Variants in BBS9 observed in about 807,000 individuals in gnomAD.
BBS9 encodes Bardet-Biedl syndrome 9.
In BBS9, 89 loss-of-function variants were observed where a neutral mutation model predicts 117.7. That is an observed-to-expected ratio of 0.76 (90% CI 0.64 to 0.90). BBS9 has a LOEUF of 0.90. Ranked by LOEUF, BBS9 falls within the 40% of genes least tolerant of loss-of-function variation. BBS9 has a pLI of 0.00. For synonymous variants in BBS9, 379 were observed against 370.9 expected (o/e 1.02, Z -0.25); for missense variants, 982 against 1,042.2 (o/e 0.94, Z 0.80).
At chr7:33,294,703 A>G (rs1330671082) in intron 9 of BBS9, among the ~76,000 whole-genome samples, 1 of 152,254 alleles carries the variant, frequency 6.6e-6, no homozygotes, top group Non-Finnish European at 1.5e-5. Context: ...AAAAAGTCTA[A>G]ACATGATACA....
At chr7:33,275,540 A>G (rs923265343) in intron 9 of BBS9, among the ~76,000 whole-genome samples, 9 of 150,854 alleles carry the variant, frequency 6.0e-5, no homozygotes, top group Non-Finnish European at 1.2e-4. Flanking sequence ...GTGACAGTTC[A>G]TTTGCAAAAA....
intron 21 of BBS9, among the ~76,000 whole-genome samples, chr7:33,562,641 G>A (rs1214427581): frequency 2.6e-5 from 4 of 152,150 alleles, no homozygotes; most frequent in Non-Finnish European, 5.9e-5. Flanking sequence ...AAAAGGGAAA[G>A]GAGGCTGGGC....
At chr7:33,322,279 A>G (rs1811876560) in intron 9 of BBS9, among the ~76,000 whole-genome samples, 1 of 151,078 alleles carries the variant, frequency 6.6e-6, no homozygotes, top group African/African-American at 2.4e-5. Flanking sequence ...TTTTTTTGTA[A>G]TAATTTAAGT....
At chr7:33,513,248 A>G (rs1847238772) in intron 20 of BBS9, among the ~76,000 whole-genome samples, 1 of 152,052 alleles carries the variant, frequency 6.6e-6, no homozygotes, top group Admixed American at 6.6e-5. Flanking sequence ...CCTTCCATCT[A>G]TTCTCTATTC....
chr7:33,333,970 C>A (rs1339225535), intron 9 of BBS9, among the ~76,000 whole-genome samples: 2 of 152,066 alleles, frequency 1.3e-5, no homozygotes, highest in Non-Finnish European at 2.9e-5. Flanking sequence ...CTATAATTAC[C>A]TTAGCTGTCA....
rs61764067 is a variant in BBS9 at position 33,340,944 on chromosome 7, G to T, written c.1246G>T (p.Val416Leu). Reference sequence around the variant, plus strand: ...AGAAGATGACTTGAACGTTTCTGTCGTGGTTTCTCCTAACTTTGATTCAGT... The same window carrying T: ...AGAAGATGACTTGAACGTTTCTGTCTTGGTTTCTCCTAACTTTGATTCAGT... ...EREDDLNVSV[V>L]VSPNFDSVSQ... is the part of the protein sequence containing the mutation. The change falls in exon 11 of 23, where the codon GTG (valine) becomes TTG (leucine). Residue 416 changes from valine (V) to leucine (L), a missense_variant. Transcript: ENST00000242067. 12 of 1,613,550 alleles carry T rather than the reference G, an allele frequency of 7.4e-6. No individual in the cohort carries two copies. The highest frequency in any genetic ancestry group is 2.2e-5 in the East Asian group (1 of 44,840).
chr7:33,369,021 T>TA (rs1285666463), intron 17 of BBS9, among the ~76,000 whole-genome samples: 6 of 152,148 alleles, frequency 3.9e-5, no homozygotes, highest in Admixed American at 6.5e-5. Flanking sequence ...CATCATTTTT[T>TA]AAAAAACAAA....
intron 5 of BBS9, among the ~76,000 whole-genome samples, chr7:33,212,379 T>C (rs928141504): frequency 6.6e-6 from 1 of 152,230 alleles, no homozygotes; most frequent in African/African-American, 2.4e-5. Context: ...ATTTCAGTTG[T>C]ATTTTTCAAC....
rs1585423079 is a variant in BBS9, at chr7:33,598,171, G to A, written c.2522-6694G>A. On this transcript the variant is annotated intron_variant, in intron 21 of 22. Coordinates refer to ENST00000242067, the MANE Select transcript of BBS9 (RefSeq NM_198428.3). ...TCCCCACTTGGCTTCACTTTTGATA[G>A]AGGAGAAGAGAAACTCCTGGAAACA... Among the ~76,000 whole-genome samples, 5 of 151,194 alleles carry A rather than the reference G, an allele frequency of 3.3e-5. No homozygotes were observed. The South Asian group carries it at 1.0e-3, about 32-fold the overall frequency.
At chr7:33,530,081 G>A (rs1382178883) in intron 20 of BBS9, among the ~76,000 whole-genome samples, 1 of 152,154 alleles carries the variant, frequency 6.6e-6, no homozygotes, top group Non-Finnish European at 1.5e-5. Flanking sequence ...TATGCTACAT[G>A]TTTGATCAGT....
intron 20 of BBS9, among the ~76,000 whole-genome samples, chr7:33,527,102 T>G (rs1204454693): frequency 6.9e-6 from 1 of 145,874 alleles, no homozygotes; most frequent in African/African-American, 2.5e-5. Context: ...GCAGTCTGCC[T>G]CTTCTCAGAT....
intron 1 of BBS9, among the ~76,000 whole-genome samples, chr7:33,131,822 A>G (rs900197257): frequency 4.6e-5 from 7 of 152,318 alleles, no homozygotes; most frequent in African/African-American, 1.7e-4. Context: ...AAAAAGAACA[A>G]TAGCAAATTA....
At chr7:33,407,265 G>A (rs2128809122) in intron 19 of BBS9, among the ~76,000 whole-genome samples, 1 of 152,244 alleles carries the variant, frequency 6.6e-6, no homozygotes, top group East Asian at 1.9e-4. Context: ...TAGTTCTCAA[G>A]CCTTGGCTTT....
chr7:33,607,115 A>T (rs1457611502), downstream of BBS9, among the ~76,000 whole-genome samples: 1 of 152,066 alleles, frequency 6.6e-6, no homozygotes, highest in East Asian at 1.9e-4. Flanking sequence ...GGTAGGATAG[A>T]TTTGCAAGCT....
At chr7:33,344,333 T>C (rs376450505) in intron 11 of BBS9, among the ~76,000 whole-genome samples, 1 of 151,842 alleles carries the variant, frequency 6.6e-6, no homozygotes, top group Non-Finnish European at 1.5e-5. Context: ...CCTCCCAAAG[T>C]GCTGGGATTA....
intron 1 of BBS9, among the ~76,000 whole-genome samples, chr7:33,133,743 A>C (rs1418307096): frequency 6.6e-6 from 1 of 152,230 alleles, no homozygotes; most frequent in African/African-American, 2.4e-5. Context: ...GATATTATGA[A>C]TAATGCTACT....
intron 21 of BBS9, among the ~76,000 whole-genome samples, chr7:33,546,229 G>A (rs910590280): frequency 6.6e-6 from 1 of 151,800 alleles, no homozygotes; most frequent in African/African-American, 2.4e-5. Context: ...CACTGCGCCC[G>A]GCCTATAATC....
intron 20 of BBS9, among the ~76,000 whole-genome samples, chr7:33,521,899 C>CT (rs1848667519): frequency 9.0e-6 from 1 of 111,078 alleles, no homozygotes; most frequent in Non-Finnish European, 1.8e-5. Flanking sequence ...CTCCCCCCTC[C>CT]CCCCACCCCA....
At position 33,527,680 on chromosome 7, in the gene BBS9, A is replaced by C. The variant is rs548352309; in HGVS notation, c.2299-6274A>C. Among the ~76,000 whole-genome samples the C allele has an allele frequency of 2.0e-5, 3 of 152,310 alleles. No homozygotes were observed. In the South Asian group the frequency reaches 6.2e-4, roughly 32 times the overall value. On this transcript the variant is annotated intron_variant, in intron 20 of 22. Coordinates refer to ENST00000242067, the MANE Select transcript of BBS9 (RefSeq NM_198428.3). ...CCTAGTGAGATGAACCAGGTACCTCAGATGGAAATGCAGAAATCACCCGTC... is the reference window on the plus strand; with the variant it reads ...CCTAGTGAGATGAACCAGGTACCTCCGATGGAAATGCAGAAATCACCCGTC...
Sources: allele counts gnomAD v4.1 joint callset (sites outside exome capture counted in the v4.1 genomes callset), GRCh38; gene constraint gnomAD v4.1.1; transcripts MANE v1.5; gene names NCBI Gene and HGNC (gene_info 2026-07-23, HGNC 2026-07-21).